PIK3CB: variants seen among roughly 807,000 people sequenced by gnomAD.
PIK3CB encodes the protein phosphatidylinositol 4,5-bisphosphate 3-kinase catalytic subunit beta isoform.
In PIK3CB, 39 loss-of-function variants were observed where a neutral mutation model predicts 136.8. The ratio of observed to expected loss-of-function variants is 0.29; its 90% CI spans 0.22 to 0.37. PIK3CB has a LOEUF of 0.37. Ranked by LOEUF, PIK3CB falls within the 10% of genes least tolerant of loss-of-function variation. The pLI is 1.00. For synonymous variants in PIK3CB, 428 were observed against 436.6 expected, an observed-to-expected ratio of 0.98 and a Z score of 0.25; for missense variants, 868 against 1,275.4, an observed-to-expected ratio of 0.68 and a Z score of 4.87.
At chr3:138,754,029 C>T (rs2045520689) in intron 4 of PIK3CB, among the ~76,000 whole-genome samples, 1 of 152,132 alleles carries the variant, frequency 6.6e-6, no homozygotes, top group South Asian at 2.1e-4. Flanking sequence ...TATTGTCGGT[C>T]AATATACTTG....
chr3:138,687,378 CTAACAGG>C (rs2043917832), intron 16 of PIK3CB, among the ~76,000 whole-genome samples: 1 of 152,154 alleles, frequency 6.6e-6, no homozygotes, highest in Admixed American at 6.5e-5. Flanking sequence ...TAAGTATGGC[CTAACAGG>C]CTTTGGCAGA....
Position 138,823,536 on chromosome 3 carries a change from C to T in PIK3CB, c.-122+11159G>A, listed in dbSNP as rs558611408. The stretch of plus-strand genomic sequence containing the variant: ...TGGGCAACATGGTGAAACCTCGTCT[C>T]TACTAAAAATACAAAAATTAGCTGG... On this transcript the variant is annotated intron_variant, in intron 1 of 23. Coordinates refer to ENST00000674063, the MANE Select transcript of PIK3CB (RefSeq NM_006219.3). Among the ~76,000 whole-genome samples, 8 of 152,056 alleles carry T rather than the reference C, an allele frequency of 5.3e-5. No homozygotes were observed. The South Asian group carries it at 1.7e-3, about 32-fold the overall frequency.
At chr3:138,714,926 A>C (rs901420462) in intron 8 of PIK3CB, among the ~76,000 whole-genome samples, 1 of 152,228 alleles carries the variant, frequency 6.6e-6, no homozygotes, top group African/African-American at 2.4e-5. Context: ...TATATCGTTC[A>C]GTAAACCGTA....
chr3:138,679,119 AC>A (rs965642358), intron 19 of PIK3CB, among the ~76,000 whole-genome samples: 9 of 152,114 alleles, frequency 5.9e-5, no homozygotes, highest in African/African-American at 2.2e-4. Context: ...ATCAAGATAA[AC>A]AAAAACTGAT....
chr3:138,768,796 G>A (rs1226434401), intron 2 of PIK3CB, among the ~76,000 whole-genome samples: 1 of 152,242 alleles, frequency 6.6e-6, no homozygotes, highest in Non-Finnish European at 1.5e-5. Flanking sequence ...CACCTGGCTG[G>A]GATGTGACAA....
chr3:138,733,525 GT>G, intron 7 of PIK3CB, 87 bp from the exon 8 acceptor site: 1 of 641,844 alleles, frequency 1.6e-6, no homozygotes, highest in Non-Finnish European at 2.7e-6. Context: ...CAGTTCTAAT[GT>G]CTATTGGCAA....
intron 19 of PIK3CB, among the ~76,000 whole-genome samples, chr3:138,669,052 C>G (rs1000509666): frequency 1.3e-5 from 2 of 152,108 alleles, no homozygotes; most frequent in African/African-American, 2.4e-5. Context: ...TTATTTCCAC[C>G]TTCTTCCTCC....
intron 1 of PIK3CB, among the ~76,000 whole-genome samples, chr3:138,820,842 C>T (rs1933529151): frequency 6.6e-6 from 1 of 152,168 alleles, no homozygotes; most frequent in Admixed American, 6.6e-5. Flanking sequence ...ATCATAGGAA[C>T]GTCCTATTTT....
chr3:138,747,341 T>C (rs901728595), intron 4 of PIK3CB, among the ~76,000 whole-genome samples: 9 of 151,812 alleles, frequency 5.9e-5, no homozygotes, highest in African/African-American at 1.7e-4. Context: ...AAAAAATACA[T>C]GAGAACTCGG....
intron 13 of PIK3CB, 106 bp from the exon 14 acceptor site, chr3:138,695,013 C>T: frequency 9.3e-7 from 1 of 1,070,624 alleles, no homozygotes; most frequent in Non-Finnish European, 1.3e-6. Context: ...GCAAAGCTCA[C>T]TTTTAATTAT....
At chr3:138,703,603 T>C (rs2044302022) in intron 12 of PIK3CB, among the ~76,000 whole-genome samples, 1 of 151,740 alleles carries the variant, frequency 6.6e-6, no homozygotes, top group African/African-American at 2.4e-5. Flanking sequence ...GATATAGATA[T>C]ATAAATGTAG....
At chr3:138,718,959 C>T (rs2044669566) in intron 8 of PIK3CB, among the ~76,000 whole-genome samples, 1 of 152,002 alleles carries the variant, frequency 6.6e-6, no homozygotes, top group Non-Finnish European at 1.5e-5. Context: ...GTTTTTCTCC[C>T]TCTCTTTAAG....
intron 8 of PIK3CB, among the ~76,000 whole-genome samples, chr3:138,722,693 CAA>C (rs1381701799): frequency 9.6e-6 from 1 of 103,692 alleles, no homozygotes. Flanking sequence ...TATAAAAGCT[CAA>C]AAAAAAAAAA....
intron 14 of PIK3CB, among the ~76,000 whole-genome samples, chr3:138,692,986 T>C (rs1243108230): frequency 2.6e-5 from 4 of 152,224 alleles, no homozygotes; most frequent in African/African-American, 9.6e-5. Flanking sequence ...AAATAAGATA[T>C]ATCCCTATGA....
chr3:138,773,421 T>A (rs1399083106), intron 2 of PIK3CB, among the ~76,000 whole-genome samples: 1 of 151,964 alleles, frequency 6.6e-6, no homozygotes, highest in African/African-American at 2.4e-5. Flanking sequence ...AAAGATAAAT[T>A]TAGACATATA....
rs2045142372 is a variant in PIK3CB at position 138,737,700 on chromosome 3, T to C, written c.801+7A>G. On this transcript the variant is annotated splice_region_variant and intron_variant, in intron 6 of 23. Coordinates refer to ENST00000674063, the MANE Select transcript of PIK3CB (RefSeq NM_006219.3). ...TTTTCTGGTAAATTAATAGTTAATA[T>C]ACATACCTGGAACTGAATTAGTGGA... 3 of 1,528,450 alleles carry C rather than the reference T, an allele frequency of 2.0e-6. No homozygotes were observed. Among genetic ancestry groups the C allele is most frequent in the Admixed American group, 1.8e-5 (1 of 55,532 alleles). 94.7% of individuals were successfully genotyped at this position (1,528,450 alleles called of 1,614,324 possible). A position where few individuals can be genotyped will look rare whatever the true frequency, so the allele number is the denominator to read the frequency against.
At chr3:138,690,228 A>G (rs1267717546) in intron 15 of PIK3CB, among the ~76,000 whole-genome samples, 2 of 151,966 alleles carry the variant, frequency 1.3e-5, no homozygotes, top group African/African-American at 4.8e-5. Flanking sequence ...CTCAGCAAAG[A>G]AAAGAAAAAA....
chr3:138,689,408 C>T lies in PIK3CB; in HGVS notation c.2037-434G>A, dbSNP rs151002228. On this transcript the variant is annotated intron_variant, in intron 15 of 23. Transcript: ENST00000674063. ...CCCTTCATACTTGCGATTCTCCTGC[C>T]TCAGCCTCCCGAGTAGCTGGGATTA... Among the ~76,000 whole-genome samples, 985 of 152,332 alleles carry T rather than the reference C, an allele frequency of 6.5e-3. 9 individuals carry two copies. The highest frequency in any genetic ancestry group is 7.9e-3 in the Non-Finnish European group (534 of 68,022).
At chr3:138,691,253 G>A in intron 14 of PIK3CB, 110 bp from the exon 15 acceptor site, 1 of 975,734 alleles carries the variant, frequency 1.0e-6, no homozygotes, top group Admixed American at 2.3e-5. Flanking sequence ...GGTTCTTTTG[G>A]GCCAGGCTTG....
Sources: allele counts gnomAD v4.1 joint callset (sites outside exome capture counted in the v4.1 genomes callset), GRCh38; gene constraint gnomAD v4.1.1; transcripts MANE v1.5; gene names NCBI Gene and HGNC (gene_info 2026-07-23, HGNC 2026-07-21).